Variants in TYW1B observed in about 807,000 individuals in gnomAD.
The protein encoded by TYW1B is tRNA-yW synthesizing protein 1 homolog B, also known as S-adenosyl-L-methionine-dependent tRNA 4-demethylwyosine synthase TYW1B.
A neutral mutation model predicts 86.9 loss-of-function variants in TYW1B; 73 were observed. The ratio of observed to expected loss-of-function variants is 0.84; its 90% CI spans 0.70 to 1.02. TYW1B has a LOEUF of 1.02. TYW1B is among the 50% of genes least tolerant of loss of function. The pLI is 0.00. For missense variants in TYW1B, 637 were observed against 827.4 expected (o/e 0.77, Z 2.82); for synonymous variants, 248 against 292.8 (o/e 0.85, Z 1.56).
intron 5 of TYW1B, among the ~76,000 whole-genome samples, chr7:72,806,005 T>A (rs1164654366): frequency 6.6e-6 from 1 of 151,790 alleles, no homozygotes; most frequent in Admixed American, 6.6e-5. Flanking sequence ...ATGCTCAGAA[T>A]GTGAGGGAAA....
intron 9 of TYW1B, among the ~76,000 whole-genome samples, chr7:72,717,277 G>A (rs1786807872): frequency 6.6e-6 from 1 of 151,386 alleles, no homozygotes; most frequent in Admixed American, 6.6e-5. Flanking sequence ...CTCTAGCCTG[G>A]GCAACAGGGC....
At chr7:72,615,389 C>CTT (rs1554436679) in intron 13 of TYW1B, among the ~76,000 whole-genome samples, 2 of 152,186 alleles carry the variant, frequency 1.3e-5, no homozygotes, top group Non-Finnish European at 2.9e-5. Flanking sequence ...GCCATTTAAG[C>CTT]CAGTTTCTTC....
chr7:72,770,257 C>T (rs1787842375), intron 7 of TYW1B, among the ~76,000 whole-genome samples: 1 of 151,302 alleles, frequency 6.6e-6, no homozygotes, highest in Admixed American at 6.6e-5. Flanking sequence ...GGTGAAACCC[C>T]ATCTCTACTA....
At chr7:72,701,096 C>T (rs1554452479) in intron 10 of TYW1B, among the ~76,000 whole-genome samples, 1 of 151,814 alleles carries the variant, frequency 6.6e-6, no homozygotes, top group Non-Finnish European at 1.5e-5. Flanking sequence ...AAATGCTTTC[C>T]TGTAGTTCTT....
intron 10 of TYW1B, among the ~76,000 whole-genome samples, chr7:72,704,890 T>A (rs552046855): frequency 6.6e-6 from 1 of 152,030 alleles, no homozygotes; most frequent in Admixed American, 6.6e-5. Context: ...TCTCTGCACT[T>A]TCTCTCTCTC....
chr7:72,751,659 T>C (rs1279996456), intron 7 of TYW1B, among the ~76,000 whole-genome samples: 5 of 152,248 alleles, frequency 3.3e-5, no homozygotes, highest in Non-Finnish European at 5.9e-5. Context: ...TGATTATTCT[T>C]ATTCAAGGTA....
chr7:72,575,151 C>T lies in TYW1B; in HGVS notation c.*347G>A. 4.6e-6 allele frequency: 5 copies of T among 1,082,330 alleles called. No homozygotes were observed. The South Asian group carries it at 1.6e-4, about 35-fold the overall frequency. The allele number at this position is 1,082,330 out of a possible 1,614,324, so 67.0% of individuals were successfully genotyped here. A position where few individuals can be genotyped will look rare whatever the true frequency, so the allele number is the denominator to read the frequency against. The stretch of plus-strand genomic sequence containing the variant: ...AGGGGAAGAGGCCCAGGGATTTCTT[C>T]CTTGTCTGACACTCTCAGGACTAGC... On this transcript the variant is annotated 3_prime_UTR_variant, in exon 14 of 14. Transcript: ENST00000620995.
At chr7:72,791,132 G>A (rs1220114796) in intron 6 of TYW1B, among the ~76,000 whole-genome samples, 8 of 152,140 alleles carry the variant, frequency 5.3e-5, no homozygotes, top group South Asian at 2.1e-4. Flanking sequence ...TTAGAGGAGC[G>A]CTATGGAACG....
intron 11 of TYW1B, among the ~76,000 whole-genome samples, chr7:72,665,439 G>T (rs552460471): frequency 6.6e-6 from 1 of 152,154 alleles, no homozygotes. Context: ...TAGGAGAAAA[G>T]ATATTTCTAA....
At chr7:72,716,872 C>T (rs1312013716) in intron 9 of TYW1B, among the ~76,000 whole-genome samples, 1 of 150,766 alleles carries the variant, frequency 6.6e-6, no homozygotes, top group African/African-American at 2.4e-5. Context: ...CTCAGCCTCC[C>T]AAAGTGCTGG....
chr7:72,582,475 T>G (rs1235562566), intron 13 of TYW1B, among the ~76,000 whole-genome samples: 1 of 152,180 alleles, frequency 6.6e-6, no homozygotes, highest in African/African-American at 2.4e-5. Flanking sequence ...CCAAATCAAA[T>G]GCATAGGGAG....
chr7:72,822,100 C>T (rs560617656), intron 2 of TYW1B, among the ~76,000 whole-genome samples: 1 of 144,980 alleles, frequency 6.9e-6, no homozygotes, highest in Admixed American at 7.0e-5. Context: ...ACAAAAATCC[C>T]AGCACTTTGG....
chr7:72,786,991 TAA>T (rs1554472562), intron 6 of TYW1B, among the ~76,000 whole-genome samples: 1 of 151,878 alleles, frequency 6.6e-6, no homozygotes, highest in Non-Finnish European at 1.5e-5. Flanking sequence ...GATTTTTAAT[TAA>T]GAGTCATAAC....
chr7:72,604,865 C>T (rs1359610434), intron 13 of TYW1B, among the ~76,000 whole-genome samples: 10 of 152,052 alleles, frequency 6.6e-5, no homozygotes, highest in South Asian at 6.2e-4. Flanking sequence ...TTTACCTGAA[C>T]GTGAGTGGGA....
At chr7:72,740,754 G>A (rs1380767079) in intron 8 of TYW1B, among the ~76,000 whole-genome samples, 14 of 138,466 alleles carry the variant, frequency 1.0e-4, no homozygotes, top group African/African-American at 2.1e-4. Flanking sequence ...TTTTTGAGAC[G>A]GAGTCTTGCT....
chr7:72,812,530 T>C (rs1749004134), intron 3 of TYW1B, among the ~76,000 whole-genome samples: 1 of 152,184 alleles, frequency 6.6e-6, no homozygotes, highest in Admixed American at 6.6e-5. Flanking sequence ...CAAAGTTTGC[T>C]AATAATTTTT....
intron 7 of TYW1B, among the ~76,000 whole-genome samples, chr7:72,752,310 G>A (rs1157686467): frequency 5.4e-4 from 1 of 1,846 alleles, no homozygotes; most frequent in African/African-American, 2.1e-3. Flanking sequence ...TTTCCAGGAA[G>A]GAAAGAGAAA....
At chr7:72,724,293 G>C (rs1252578060) in intron 9 of TYW1B, among the ~76,000 whole-genome samples, 1 of 152,082 alleles carries the variant, frequency 6.6e-6, no homozygotes, top group African/African-American at 2.4e-5. Flanking sequence ...GCAATATAGG[G>C]AGAACCCATC....
intron 10 of TYW1B, among the ~76,000 whole-genome samples, chr7:72,700,243 T>C (rs1482521692): frequency 7.9e-6 from 1 of 126,638 alleles, no homozygotes; most frequent in African/African-American, 3.0e-5. Flanking sequence ...GGCACAATCT[T>C]GGCCCACTGC....
Sources: allele counts gnomAD v4.1 joint callset (sites outside exome capture counted in the v4.1 genomes callset), GRCh38; gene constraint gnomAD v4.1.1; transcripts MANE v1.5; gene names NCBI Gene and HGNC (gene_info 2026-07-23, HGNC 2026-07-21).